The following TMEM178B variants were observed in gnomAD, a reference collection of about 807,000 sequenced individuals.
The protein encoded by TMEM178B is transmembrane protein 178B.
A neutral mutation model predicts 31.0 loss-of-function variants in TMEM178B; 5 were observed. The observed-to-expected ratio is 0.16, with a 90% CI of 0.08 to 0.34. TMEM178B has a LOEUF of 0.34. Among genes scored for constraint, TMEM178B ranks in the 10% least tolerant of loss-of-function variants. The pLI is 1.00. For synonymous variants in TMEM178B, 164 were observed against 164.0 expected, an observed-to-expected ratio of 1.00 and a Z score of 0.00; for missense variants, 275 against 400.3, an observed-to-expected ratio of 0.69 and a Z score of 2.67.
intron 2 of TMEM178B, among the ~76,000 whole-genome samples, chr7:141,334,776 G>T (rs1799355297): frequency 1.3e-5 from 2 of 152,212 alleles, no homozygotes; most frequent in South Asian, 4.1e-4. Context: ...GAGAGCACTT[G>T]ATCCAGGTAA....
intron 2 of TMEM178B, among the ~76,000 whole-genome samples, chr7:141,282,767 T>G (rs1240250036): frequency 6.6e-6 from 1 of 152,232 alleles, no homozygotes; most frequent in Non-Finnish European, 1.5e-5. Context: ...CACAGCCTAT[T>G]CAGCAAATGA....
At chr7:141,195,064 T>A (rs1796760203) in intron 1 of TMEM178B, among the ~76,000 whole-genome samples, 1 of 152,218 alleles carries the variant, frequency 6.6e-6, no homozygotes, top group Non-Finnish European at 1.5e-5. Context: ...CTTTTTCTTC[T>A]TGGGCCTCCA....
At chr7:141,257,070 T>C (rs1297112906) in intron 2 of TMEM178B, among the ~76,000 whole-genome samples, 1 of 152,086 alleles carries the variant, frequency 6.6e-6, no homozygotes, top group Admixed American at 6.5e-5. Flanking sequence ...CATCCCAACA[T>C]AGAGTCATGG....
chr7:141,347,315 G>A (rs1799637373), intron 2 of TMEM178B, among the ~76,000 whole-genome samples: 4 of 152,158 alleles, frequency 2.6e-5, no homozygotes, highest in Admixed American at 2.0e-4. Context: ...TAAATGTAGT[G>A]TGGAGGAGGG....
chr7:141,464,714 G>A (rs1253989245), intron 3 of TMEM178B, among the ~76,000 whole-genome samples: 2 of 151,980 alleles, frequency 1.3e-5, no homozygotes, highest in African/African-American at 2.4e-5. Context: ...TGCATACTAG[G>A]GCGCCCACAG....
At chr7:141,176,051 T>C (rs1796428331) in intron 1 of TMEM178B, among the ~76,000 whole-genome samples, 1 of 152,238 alleles carries the variant, frequency 6.6e-6, no homozygotes, top group Non-Finnish European at 1.5e-5. Context: ...TCAAAGGGAA[T>C]GCTTCCAGTT....
chr7:141,229,130 T>TGTGTGTGA (rs1563125013), intron 2 of TMEM178B, among the ~76,000 whole-genome samples: 2 of 149,554 alleles, frequency 1.3e-5, no homozygotes, highest in Admixed American at 6.7e-5. Flanking sequence ...TGTGTGTGTG[T>TGTGTGTGA]GAAACTTTTT....
intron 1 of TMEM178B, among the ~76,000 whole-genome samples, chr7:141,164,622 A>G (rs1796231411): frequency 6.6e-6 from 1 of 152,240 alleles, no homozygotes; most frequent in African/African-American, 2.4e-5. Flanking sequence ...AGTGATAGAA[A>G]TTGCACAGGT....
intron 2 of TMEM178B, among the ~76,000 whole-genome samples, chr7:141,302,550 T>C (rs768835757): frequency 8.5e-5 from 13 of 152,130 alleles, no homozygotes; most frequent in Non-Finnish European, 1.6e-4. Flanking sequence ...TTTGGGAAGA[T>C]GAAAAGTTCT....
At chr7:141,500,353 C>A in the TMEM178B span, among the ~76,000 whole-genome samples, 1 of 152,078 alleles carries the variant, frequency 6.6e-6, no homozygotes, top group Non-Finnish European at 1.5e-5. Context: ...TGGGCAGGTG[C>A]AAGTCATTTT....
intron 2 of TMEM178B, 70 bp from the exon 3 acceptor site, chr7:141,437,537 AG>A (rs539874385): frequency 1.7e-5 from 25 of 1,515,074 alleles, no homozygotes; most frequent in Non-Finnish European, 2.0e-5. Flanking sequence ...CACCCACCCC[AG>A]GGCTGGGGTA....
intron 2 of TMEM178B, among the ~76,000 whole-genome samples, chr7:141,296,193 G>A (rs138379439): frequency 4.6e-5 from 7 of 151,978 alleles, no homozygotes; most frequent in African/African-American, 1.2e-4. Context: ...TCAGGCTCCC[G>A]AGTAGCTGGG....
intron 2 of TMEM178B, chr7:141,429,711 A>G (rs1260868743): frequency 6.6e-6 from 1 of 152,232 alleles, no homozygotes; most frequent in Non-Finnish European, 1.5e-5. Context: ...TCCTCCCACA[A>G]AAGTGATAAC....
At chr7:141,486,628 T>A in the TMEM178B span, among the ~76,000 whole-genome samples, 18 of 152,160 alleles carry the variant, frequency 1.2e-4, no homozygotes, top group African/African-American at 4.3e-4. Context: ...AAGTAAGTAA[T>A]TCTCCCCCTC....
chr7:141,122,312 G>A (rs756432258), intron 1 of TMEM178B, among the ~76,000 whole-genome samples: 24 of 152,140 alleles, frequency 1.6e-4, no homozygotes, highest in Non-Finnish European at 2.8e-4. Flanking sequence ...GGAAAAAAGC[G>A]GAAATCTAGG....
At chr7:141,149,145 G>C (rs1450355970) in intron 1 of TMEM178B, among the ~76,000 whole-genome samples, 1 of 152,236 alleles carries the variant, frequency 6.6e-6, no homozygotes, top group Non-Finnish European at 1.5e-5. Flanking sequence ...ACTAGTAAAA[G>C]AGAAGACTGC....
chr7:141,360,451 C>T (rs1321754512), intron 2 of TMEM178B, among the ~76,000 whole-genome samples: 3 of 152,204 alleles, frequency 2.0e-5, no homozygotes, highest in Non-Finnish European at 4.4e-5. Flanking sequence ...GATTTTGATT[C>T]CAAATCTAAG....
intron 2 of TMEM178B, among the ~76,000 whole-genome samples, chr7:141,305,172 G>A (rs1377064436): frequency 6.6e-6 from 1 of 152,052 alleles, no homozygotes; most frequent in Non-Finnish European, 1.5e-5. Context: ...TTCCAGCCTC[G>A]GGTTCTACCA....
chr7:141,227,664 C>T (rs1264604020), intron 2 of TMEM178B, among the ~76,000 whole-genome samples: 2 of 152,138 alleles, frequency 1.3e-5, no homozygotes, highest in African/African-American at 2.4e-5. Flanking sequence ...TGTGAGGAGC[C>T]ATTGTGACAT....
Sources: gnomAD v4.1 joint callset for allele counts (sites outside exome capture counted in the v4.1 genomes callset) on GRCh38, gnomAD v4.1.1 for gene constraint, MANE v1.5 for transcripts, NCBI Gene and HGNC (gene_info 2026-07-23, HGNC 2026-07-21) for gene names.